Variants in INPP5E observed in about 807,000 individuals in gnomAD.
INPP5E encodes the protein inositol polyphosphate-5-phosphatase E.
INPP5E carries 34 observed loss-of-function variants against 50.5 expected under a neutral mutation model. The observed-to-expected ratio is 0.67, with a 90% CI of 0.51 to 0.90. The LOEUF is 0.90. Among genes scored for constraint, INPP5E ranks in the 40% least tolerant of loss-of-function variants. INPP5E has a pLI of 0.00. For synonymous variants in INPP5E, 447 were observed against 406.0 expected (o/e 1.10, Z -1.21); for missense variants, 942 against 905.5 (o/e 1.04, Z -0.52).
rs1277886267 is a variant in INPP5E, at chr9:136,438,926, G to C, written c.494C>G (p.Ala165Gly). ...SSGGNPLSGVASSSPNLPHRD... is the reference protein window; with the variant it reads ...SSGGNPLSGVGSSSPNLPHRD... ...GTGCGGGAGGTTCGGGGAGCTGCTG[G>C]CCACCCCAGAGAGAGGGTTACCCCC... Residue 165 changes from alanine to glycine, a missense_variant, in exon 1 of 10, where the codon GCC becomes GGC. Coordinates refer to ENST00000371712, the MANE Select transcript of INPP5E (RefSeq NM_019892.6). The C allele has an allele frequency of 1.3e-6, 2 of 1,571,626 alleles. No individual in the cohort carries two copies. The highest frequency in any genetic ancestry group is 1.7e-6 in the Non-Finnish European group (2 of 1,158,936).
At chr9:136,432,056 G>A (rs1433435441) in intron 6 of INPP5E, 71 bp from the exon 7 acceptor site, 5 of 1,580,812 alleles carry the variant, frequency 3.2e-6, no homozygotes, top group Middle Eastern at 1.7e-4. Flanking sequence ...CCAGAACATG[G>A]CCTGGGAGTG....
chr9:136,432,486 G>T lies in INPP5E; in HGVS notation c.1380C>A (p.Ser460=). 6.5e-7 allele frequency: 1 copy of T among 1,548,292 alleles called. No individual in the cohort carries two copies. Among genetic ancestry groups the T allele is most frequent in the Non-Finnish European group, 8.7e-7 (1 of 1,144,732 alleles). Residue 460 remains serine, a synonymous_variant, in exon 6 of 10, where the codon TCC becomes TCA. Transcript: ENST00000371712. ...CAGCGTGGACGCCCTCACCTGCGCT[G>T]GAGCGATAGGGGTTGGTGTCGGGCA... The part of the protein sequence containing the change: ...RNVPDTNPYR[S]SAADVTTRFD...
intron 1 of INPP5E, chr9:136,435,922 T>A (rs1190431553): frequency 6.6e-6 from 1 of 152,234 alleles, no homozygotes; most frequent in Non-Finnish European, 1.5e-5. Flanking sequence ...TAAAACCCGT[T>A]CTCAGCTCGC....
At chr9:136,432,698 C>T in intron 5 of INPP5E, 112 bp from the exon 6 acceptor site, 2 of 917,782 alleles carry the variant, frequency 2.2e-6, no homozygotes, top group East Asian at 2.6e-5. Flanking sequence ...AGACGCAACC[C>T]CACCGGGCAT....
At position 136,432,472 on chromosome 9, in the gene INPP5E, C is replaced by T. The variant is rs1414948667; in HGVS notation, c.1387+7G>A. 6.5e-7 allele frequency: 1 copy of T among 1,539,498 alleles called. No homozygotes were observed. Among genetic ancestry groups the T allele is most frequent in the Non-Finnish European group, 8.8e-7 (1 of 1,137,252 alleles). ...GCACCACCCACACGCAGCGTGGACG[C>T]CCTCACCTGCGCTGGAGCGATAGGG... On this transcript the variant is annotated splice_region_variant and intron_variant, in intron 6 of 9. Coordinates refer to ENST00000371712, the MANE Select transcript of INPP5E (RefSeq NM_019892.6).
chr9:136,434,892 C>T (rs1177025764), intron 1 of INPP5E, 29 bp from the exon 2 acceptor site: 2 of 1,592,692 alleles, frequency 1.3e-6, no homozygotes, highest in Non-Finnish European at 1.7e-6. Flanking sequence ...AAGCTCAGGG[C>T]CAGGCACAGG....
chr9:136,434,635 C>T, intron 2 of INPP5E, 105 bp downstream of exon 2: 1 of 1,473,300 alleles, frequency 6.8e-7, no homozygotes, highest in Non-Finnish European at 9.2e-7. Context: ...GGGGCTCTGC[C>T]CTCCTGGCCC....
At position 136,429,284 on chromosome 9, in the gene INPP5E, G is replaced by A. The variant is rs1050544022; in HGVS notation, c.*391C>T. 9 of 349,794 alleles carry A rather than the reference G, an allele frequency of 2.6e-5. No individual in the cohort carries two copies. In the Admixed American group the frequency reaches 3.1e-4, roughly 12 times the overall value. The allele number at this position is 349,794 out of a possible 1,614,324, so 21.7% of individuals were successfully genotyped here. A position where few individuals can be genotyped will look rare whatever the true frequency, so the allele number is the denominator to read the frequency against. ...ACAGATGGACGCCTGCTTCGGGTGT[G>A]GAGGGAGAGGCTGGTGCAGAGCACG... On this transcript the variant is annotated 3_prime_UTR_variant, in exon 10 of 10. Coordinates refer to ENST00000371712, the MANE Select transcript of INPP5E (RefSeq NM_019892.6).
rs773373584 is a variant in INPP5E at position 136,432,918 on chromosome 9, T to C, written c.1279+38A>G. On this transcript the variant is annotated intron_variant, in intron 5 of 9. Transcript: ENST00000371712. ...TCCCGGTCAGGAGAGGAAGCTGTTC[T>C]CACACAGCACCTGCGGTGCGGGCAC... is the stretch of plus-strand genomic sequence containing the variant. 8.1e-6 allele frequency: 13 copies of C among 1,606,934 alleles called. No individual in the cohort carries two copies. The Admixed American group carries it at 2.0e-4, about 25-fold the overall frequency.
rs1311761707 is a variant in INPP5E, at chr9:136,433,285, G to A, written c.1035-6C>T. 3 of 1,580,118 alleles carry A rather than the reference G, an allele frequency of 1.9e-6. No homozygotes were observed. The South Asian group carries it at 3.4e-5, about 18-fold the overall frequency. On this transcript the variant is annotated splice_polypyrimidine_tract_variant and splice_region_variant and intron_variant, in intron 3 of 9. Coordinates refer to ENST00000371712, the MANE Select transcript of INPP5E (RefSeq NM_019892.6). ...GACGAGTCTCCCACTCCCGCCTGCA[G>A]AGGAGGAAGCACGGCCGGCTGGGGG... is the stretch of plus-strand genomic sequence containing the variant.
chr9:136,432,452 A>T, intron 6 of INPP5E, 27 bp downstream of exon 6: 2 of 1,444,024 alleles, frequency 1.4e-6, no homozygotes, highest in Non-Finnish European at 1.9e-6. Flanking sequence ...CGGCGGCACC[A>T]CCCACACGCA....
intron 3 of INPP5E, among the ~76,000 whole-genome samples, chr9:136,433,637 G>C (rs1835764312): frequency 6.6e-6 from 1 of 152,206 alleles, no homozygotes; most frequent in African/African-American, 2.4e-5. Context: ...TGACATGGGG[G>C]CCCGGGAGGC....
Position 136,438,794 on chromosome 9 carries a change from G to C in INPP5E, c.626C>G (p.Ala209Gly). 6.2e-7 allele frequency: 1 copy of C among 1,612,232 alleles called. No homozygotes were observed. The highest frequency in any genetic ancestry group is 8.5e-7 in the Non-Finnish European group (1 of 1,179,716). The change falls in exon 1 of 10, where the codon GCA becomes GGA. Residue 209 changes from alanine (A) to glycine (G), a missense_variant. By Grantham distance (60) the Ala-to-Gly change is moderately conservative (BLOSUM62 0). Coordinates refer to ENST00000371712, the MANE Select transcript of INPP5E (RefSeq NM_019892.6). ...LDIASDSLRTANKVDSDLADY... is the reference protein window; with the variant it reads ...LDIASDSLRTGNKVDSDLADY... ...TGCAAGATCCGAGTCGACCTTGTTT[G>C]CTGTCCTCAGGGAGTCGGAGGCGAT... is the stretch of plus-strand genomic sequence containing the variant.
Position 136,439,165 on chromosome 9 carries a change from G to A in INPP5E, c.255C>T (p.Ser85=), listed in dbSNP as rs776746807. The change falls in exon 1 of 10, where the codon TCC becomes TCT. Residue 85 remains serine (S), a synonymous_variant. Transcript: ENST00000371712. ...TCCTCCTCCAGCCCTTGTCGTCCAG[G>A]GACAGGGCTCGCTCCAGTCGAGGCC... ...PARPRLERAL[S]LDDKGWRRRR... The A allele has an allele frequency of 1.2e-5, 19 of 1,567,562 alleles. No homozygotes were observed. The highest frequency in any genetic ancestry group is 1.5e-5 in the Non-Finnish European group (18 of 1,162,024).
chr9:136,435,404 T>C, intron 1 of INPP5E: 1 of 171,558 alleles, frequency 5.8e-6, no homozygotes, highest in South Asian at 1.4e-4. Flanking sequence ...TGGAGTGCAG[T>C]GGCACTAACA....
intron 9 of INPP5E, 70 bp downstream of exon 9, chr9:136,430,207 C>A (rs1007638043): frequency 1.3e-6 from 2 of 1,535,562 alleles, no homozygotes; most frequent in Non-Finnish European, 1.8e-6. Context: ...ATGACAGGGA[C>A]CCTCTTAGCT....
At chr9:136,438,405 G>T in intron 1 of INPP5E, 1 of 619,548 alleles carries the variant, frequency 1.6e-6, no homozygotes, top group South Asian at 1.9e-5. Flanking sequence ...CCCACGAATG[G>T]TTCTGAAACG....
intron 6 of INPP5E, 149 bp from the exon 7 acceptor site, chr9:136,432,134 T>A: frequency 1.0e-6 from 1 of 979,094 alleles, no homozygotes; most frequent in Non-Finnish European, 1.6e-6. Flanking sequence ...GGATTCGCAC[T>A]GGGACAGTTC....
At chr9:136,436,520 A>T (rs1014002983) in intron 1 of INPP5E, 4 of 152,266 alleles carry the variant, frequency 2.6e-5, no homozygotes, top group African/African-American at 9.6e-5. Context: ...CTGCATGAGG[A>T]CGCTCAGGCT....
Sources: allele counts gnomAD v4.1 joint callset (sites outside exome capture counted in the v4.1 genomes callset), GRCh38; gene constraint gnomAD v4.1.1; transcripts MANE v1.5; gene names NCBI Gene and HGNC (gene_info 2026-07-23, HGNC 2026-07-21).